Variants in MNAT1 observed in about 807,000 individuals in gnomAD.
MNAT1 encodes the protein MNAT1 component of CDK activating kinase.
A neutral mutation model predicts 42.0 loss-of-function variants in MNAT1; 43 were observed. The observed-to-expected ratio is 1.02, with a 90% confidence interval of 0.80 to 1.32. The LOEUF is 1.32. Among genes scored for constraint, MNAT1 ranks in the 40% most tolerant of loss-of-function variants. The pLI is 0.00. For missense variants in MNAT1, 306 were observed against 350.4 expected (o/e 0.87, Z 1.01); for synonymous variants, 118 against 120.0 (o/e 0.98, Z 0.11).
chr14:60,904,469 C>T (rs1046714983), intron 7 of MNAT1, among the ~76,000 whole-genome samples: 1 of 152,092 alleles, frequency 6.6e-6, no homozygotes, highest in African/African-American at 2.4e-5. Flanking sequence ...TGGCTCTAGT[C>T]TTGCAAGTTT....
chr14:60,885,667 T>C (rs1350329046), intron 7 of MNAT1, among the ~76,000 whole-genome samples: 1 of 152,118 alleles, frequency 6.6e-6, no homozygotes, highest in Non-Finnish European at 1.5e-5. Flanking sequence ...TAACCCTTTA[T>C]TGGATGTATA....
chr14:60,911,160 C>T (rs573305185), intron 7 of MNAT1, among the ~76,000 whole-genome samples: 17 of 152,010 alleles, frequency 1.1e-4, no homozygotes, highest in African/African-American at 2.4e-4. Context: ...TCTGTGGGAT[C>T]GGTGGTGATA....
intron 7 of MNAT1, among the ~76,000 whole-genome samples, chr14:60,892,865 G>T (rs979155926): frequency 2.0e-5 from 3 of 152,034 alleles, no homozygotes; most frequent in East Asian, 3.9e-4. Flanking sequence ...CTTTTAAACA[G>T]TTCTGTCCTC....
intron 3 of MNAT1, among the ~76,000 whole-genome samples, chr14:60,807,185 C>A (rs1271939954): frequency 1.3e-5 from 2 of 152,136 alleles, no homozygotes; most frequent in Admixed American, 6.5e-5. Context: ...AATAAGTTGG[C>A]CTTTTGAGAA....
At chr14:60,773,981 T>C (rs187608003) in intron 1 of MNAT1, among the ~76,000 whole-genome samples, 1 of 152,268 alleles carries the variant, frequency 6.6e-6, no homozygotes, top group East Asian at 1.9e-4. Context: ...CACAGAATGA[T>C]GAAAATGGTT....
chr14:60,801,211 G>T (rs1006911133), intron 3 of MNAT1, among the ~76,000 whole-genome samples: 1 of 151,834 alleles, frequency 6.6e-6, no homozygotes, highest in Non-Finnish European at 1.5e-5. Context: ...ATAGAAAAAT[G>T]TTGAGCATGT....
chr14:60,948,439 A>G lies in MNAT1; in HGVS notation c.810-19790A>G, dbSNP rs955724223. Among the ~76,000 whole-genome samples, 18 of 152,212 alleles carry G rather than the reference A, an allele frequency of 1.2e-4. No individual in the cohort carries two copies. In the East Asian group the frequency reaches 3.3e-3, roughly 28 times the overall value. Reference sequence around the variant, plus strand: ...CCTGTCTCTAAACAAACAAAAAAAGATATTCGAGGCATACAGAACCCTCAG... The same window carrying G: ...CCTGTCTCTAAACAAACAAAAAAAGGTATTCGAGGCATACAGAACCCTCAG... On this transcript the variant is annotated intron_variant, in intron 7 of 7. Coordinates refer to ENST00000261245, the MANE Select transcript of MNAT1 (RefSeq NM_002431.4).
chr14:60,753,983 CA>C (rs141587602), intron 1 of MNAT1: 6,407 of 152,224 alleles, frequency 0.042, 209 homozygotes, highest in Non-Finnish European at 0.059. Flanking sequence ...TCATGAAAGA[CA>C]GTTTATGTGT....
chr14:60,849,334 A>T (rs2033763979), intron 6 of MNAT1, among the ~76,000 whole-genome samples: 1 of 152,190 alleles, frequency 6.6e-6, no homozygotes, highest in African/African-American at 2.4e-5. Context: ...TTAACAATAT[A>T]TTTGGAGGAT....
intron 7 of MNAT1, among the ~76,000 whole-genome samples, chr14:60,955,661 C>CTAAA (rs909149264): frequency 6.6e-5 from 10 of 152,146 alleles, no homozygotes; most frequent in Admixed American, 2.0e-4. Flanking sequence ...AACTCTGTCT[C>CTAAA]TAAATAAATA....
intron 3 of MNAT1, among the ~76,000 whole-genome samples, chr14:60,801,920 G>A (rs1269570669): frequency 6.6e-6 from 1 of 152,164 alleles, no homozygotes; most frequent in Non-Finnish European, 1.5e-5. Context: ...TGGTACATAT[G>A]CACCATGGAA....
At chr14:60,903,038 C>T (rs915253316) in intron 7 of MNAT1, among the ~76,000 whole-genome samples, 1 of 151,372 alleles carries the variant, frequency 6.6e-6, no homozygotes, top group African/African-American at 2.4e-5. Context: ...AACTTTTAGA[C>T]CAAGTATAAT....
intron 6 of MNAT1, among the ~76,000 whole-genome samples, chr14:60,820,551 T>A (rs75890275): frequency 1.3e-5 from 2 of 151,600 alleles, no homozygotes; most frequent in African/African-American, 4.8e-5. Context: ...TTTTTTTTTT[T>A]CAGTTGCTGA....
At chr14:60,915,922 C>A (rs369950480) in intron 7 of MNAT1, among the ~76,000 whole-genome samples, 2 of 152,184 alleles carry the variant, frequency 1.3e-5, no homozygotes, top group African/African-American at 4.8e-5. Context: ...CTGCATTCAT[C>A]GGTTCCCAGC....
At chr14:60,807,304 T>TA (rs1483320604) in intron 3 of MNAT1, among the ~76,000 whole-genome samples, 1 of 152,158 alleles carries the variant, frequency 6.6e-6, no homozygotes, top group Non-Finnish European at 1.5e-5. Context: ...TTTCAACTCT[T>TA]ATAAGCTATT....
At chr14:60,777,761 A>C (rs2031305006) in intron 1 of MNAT1, among the ~76,000 whole-genome samples, 1 of 152,160 alleles carries the variant, frequency 6.6e-6, no homozygotes, top group Non-Finnish European at 1.5e-5. Context: ...TTGTGCCATC[A>C]AAGTATCTAA....
chr14:60,881,481 C>T (rs535395879), intron 7 of MNAT1, among the ~76,000 whole-genome samples: 6 of 152,130 alleles, frequency 3.9e-5, no homozygotes, highest in African/African-American at 9.6e-5. Context: ...CCACTGCGCC[C>T]GGCCCATCTT....
At chr14:60,869,036 A>T (rs1489649314) in intron 6 of MNAT1, among the ~76,000 whole-genome samples, 7 of 87,928 alleles carry the variant, frequency 8.0e-5, no homozygotes, top group African/African-American at 1.1e-4. Flanking sequence ...ATATATATAT[A>T]TATATTTTTT....
chr14:60,921,976 A>C (rs1210129737), intron 7 of MNAT1, among the ~76,000 whole-genome samples: 1 of 152,182 alleles, frequency 6.6e-6, no homozygotes, highest in Non-Finnish European at 1.5e-5. Context: ...CTTTCATAGT[A>C]AATTTGTTTA....
Sources: gnomAD v4.1 joint callset for allele counts (sites outside exome capture counted in the v4.1 genomes callset) on GRCh38, gnomAD v4.1.1 for gene constraint, MANE v1.5 for transcripts, NCBI Gene and HGNC (gene_info 2026-07-23, HGNC 2026-07-21) for gene names.